The following PIK3C3 variants were observed in gnomAD, a reference collection of about 807,000 sequenced individuals.
PIK3C3 encodes PI3-kinase type 3.
A neutral mutation model predicts 126.1 loss-of-function variants in PIK3C3; 95 were observed. The ratio of observed to expected loss-of-function variants is 0.75; its 90% confidence interval spans 0.64 to 0.89. PIK3C3 has a LOEUF of 0.89. Among genes scored for constraint, PIK3C3 ranks in the 40% least tolerant of loss-of-function variants. The pLI, the probability that PIK3C3 is intolerant of heterozygous loss-of-function variation, is 0.00. For missense variants in PIK3C3, 829 were observed against 1,063.2 expected (o/e 0.78, Z 3.06); for synonymous variants, 374 against 360.0 (o/e 1.04, Z -0.44).
rs1016709016 is a variant in PIK3C3, at chr18:42,081,366, T to G, written c.*229T>G. 1.8e-5 allele frequency: 7 copies of G among 398,152 alleles called. No individual in the cohort carries two copies. The highest frequency in any genetic ancestry group is 3.2e-5 in the Non-Finnish European group (7 of 220,396). 24.7% of individuals were successfully genotyped at this position (398,152 alleles called of 1,614,324 possible). On this transcript the variant is annotated 3_prime_UTR_variant, in exon 25 of 25. Coordinates refer to ENST00000262039, the MANE Select transcript of PIK3C3 (RefSeq NM_002647.4). ...GAAATATTGTATATATTTTTTCAAA[T>G]GTATACATTGTTAATAAATTAAGAA...
chr18:41,984,923 C>T (rs1040221313), intron 4 of PIK3C3: 5 of 152,124 alleles, frequency 3.3e-5, no homozygotes, highest in Non-Finnish European at 7.4e-5. Flanking sequence ...AGCGTGACAG[C>T]TTTGGTTTCT....
Position 41,990,521 on chromosome 18 carries a change from T to A in PIK3C3, c.681T>A (p.Asp227Glu). ...TTGAATTTCGATGTGTCAAGTGTGA[T>A]GATAAGGAATATGGTATTGTTTATT... ...LMVEFRCVKC[D>E]DKEYGIVYYE... Residue 227 changes from aspartate (D) to glutamate (E), a missense_variant, in exon 6 of 25, where the codon GAT (aspartate) becomes GAA (glutamate). Physicochemically the swap from Asp to Glu is conservative, Grantham distance 45. This residue lies in a region of PIK3C3 where 313 missense variants were observed against 340.7 expected (regional missense o/e 0.92). Transcript: ENST00000262039. 6.2e-7 allele frequency: 1 copy of A among 1,600,894 alleles called. No homozygotes were observed. The highest frequency in any genetic ancestry group is 8.6e-7 in the Non-Finnish European group (1 of 1,168,450).
At chr18:42,029,504 T>C in intron 15 of PIK3C3, 63 bp downstream of exon 15, 1 of 892,338 alleles carries the variant, frequency 1.1e-6, no homozygotes, top group Non-Finnish European at 1.9e-6. Context: ...TACTGAATTT[T>C]CACTATTGTC....
intron 14 of PIK3C3, among the ~76,000 whole-genome samples, chr18:42,027,957 G>A (rs1225097785): frequency 6.6e-6 from 1 of 152,034 alleles, no homozygotes; most frequent in African/African-American, 2.4e-5. Context: ...TACCTGGCCT[G>A]GTTTAGCGGT....
At chr18:42,071,954 G>A (rs1985792075) in intron 24 of PIK3C3, among the ~76,000 whole-genome samples, 1 of 152,056 alleles carries the variant, frequency 6.6e-6, no homozygotes, top group Non-Finnish European at 1.5e-5. Context: ...AAGCATACAT[G>A]GGATGCTAAA....
chr18:42,015,613 A>G (rs1356705260), intron 12 of PIK3C3, 47 bp downstream of exon 12: 1 of 1,300,874 alleles, frequency 7.7e-7, no homozygotes, highest in Non-Finnish European at 1.1e-6. Flanking sequence ...ATCCTACTGC[A>G]TGAACATTTT....
Position 42,027,445 on chromosome 18 carries a change from A to AT in PIK3C3, c.1488dup (p.Val497CysfsTer6), listed in dbSNP as rs1349536433. 1 of 1,573,948 alleles carries AT rather than the reference A, an allele frequency of 6.4e-7. No homozygotes were observed. Among genetic ancestry groups the AT allele is most frequent in the Admixed American group, 1.7e-5 (1 of 59,204 alleles). On this transcript the variant is annotated frameshift_variant, in exon 14 of 25. Coordinates refer to ENST00000262039, the MANE Select transcript of PIK3C3 (RefSeq NM_002647.4). LOFTEE classifies it high-confidence loss of function. ...GAATGGCTCAAACTATTTTTAAGGT[A>AT]TGTGATAGTGGAATGTGAAGATCAA...
intron 6 of PIK3C3, among the ~76,000 whole-genome samples, chr18:41,992,344 T>TA (rs2144357134): frequency 6.6e-6 from 1 of 152,308 alleles, no homozygotes; most frequent in South Asian, 2.1e-4. Flanking sequence ...ACAAGCCTGT[T>TA]AAACAACGGC....
intron 19 of PIK3C3, 130 bp downstream of exon 19, chr18:42,040,871 C>A (rs1394393671): frequency 1.6e-6 from 1 of 635,962 alleles, no homozygotes; most frequent in Admixed American, 3.0e-5. Flanking sequence ...TTTTTTCTTC[C>A]TTTATTCAGA....
chr18:42,005,660 C>T (rs1982506246), intron 10 of PIK3C3, among the ~76,000 whole-genome samples: 1 of 152,098 alleles, frequency 6.6e-6, no homozygotes, highest in Non-Finnish European at 1.5e-5. Context: ...ATGTCGATCG[C>T]ATAGAACAAC....
At chr18:42,029,199 T>C (rs1480487800) in intron 14 of PIK3C3, 126 bp from the exon 15 acceptor site, 1 of 625,600 alleles carries the variant, frequency 1.6e-6, no homozygotes, top group African/African-American at 1.8e-5. Context: ...GATAATCTTT[T>C]TCAGTTTTGC....
intron 23 of PIK3C3, 136 bp from the exon 24 acceptor site, chr18:42,067,252 C>A (rs1251674991): frequency 6.7e-6 from 5 of 743,484 alleles, no homozygotes; most frequent in Non-Finnish European, 1.1e-5. Context: ...ATTCAGAATT[C>A]TAATAAGTTA....
intron 22 of PIK3C3, among the ~76,000 whole-genome samples, chr18:42,059,193 G>T (rs1985206377): frequency 6.6e-6 from 1 of 152,158 alleles, no homozygotes; most frequent in East Asian, 1.9e-4. Context: ...CACTGACTAG[G>T]TCTTCATTGT....
At chr18:41,992,626 A>G (rs1451792312) in intron 6 of PIK3C3, among the ~76,000 whole-genome samples, 1 of 152,202 alleles carries the variant, frequency 6.6e-6, no homozygotes, top group Admixed American at 6.6e-5. Context: ...AATAAAAGCC[A>G]ACATTCTTCA....
rs777107098 is a variant in PIK3C3 at position 42,049,530 on chromosome 18, G to C, written c.2189-1G>C. On this transcript the variant is annotated splice_acceptor_variant, in intron 20 of 24. Coordinates refer to ENST00000262039, the MANE Select transcript of PIK3C3 (RefSeq NM_002647.4). LOFTEE classifies it high-confidence loss of function. ...CATATTTTTTTTAACTGTTACTGCA[G>C]CTGGATATTGCGTGATCACCTATAT... is the stretch of plus-strand genomic sequence containing the variant. 1.2e-6 allele frequency: 2 copies of C among 1,611,440 alleles called. No individual in the cohort carries two copies. Among genetic ancestry groups the C allele is most frequent in the East Asian group, 2.2e-5 (1 of 44,840 alleles).
intron 5 of PIK3C3, among the ~76,000 whole-genome samples, chr18:41,989,164 C>T (rs866138807): frequency 1.3e-5 from 2 of 152,100 alleles, no homozygotes; most frequent in South Asian, 4.2e-4. Context: ...CTTAGTGCAG[C>T]CACAAACTTC....
chr18:42,040,533 C>T (rs1171889727), intron 18 of PIK3C3, 144 bp from the exon 19 acceptor site: 1 of 492,434 alleles, frequency 2.0e-6, no homozygotes, highest in East Asian at 3.4e-5. Context: ...CCAGTACAAA[C>T]TTAATGTAGT....
intron 13 of PIK3C3, chr18:42,027,221 A>C: frequency 4.1e-6 from 1 of 245,046 alleles, no homozygotes; most frequent in African/African-American, 2.2e-5. Context: ...GATATTACAC[A>C]AATTAAGGCA....
rs1260718247 is a variant in PIK3C3 at position 42,085,801 on chromosome 18, T to C, written c.*4664T>C. On this transcript the variant is annotated 3_prime_UTR_variant, in exon 25 of 25. Coordinates refer to ENST00000262039, the MANE Select transcript of PIK3C3 (RefSeq NM_002647.4). ...CCATTTCTGCATGAACCATAGAATTTAACTAGAATTTGGCTGGCTCATGCC... is the reference window on the plus strand; with the variant it reads ...CCATTTCTGCATGAACCATAGAATTCAACTAGAATTTGGCTGGCTCATGCC... 6.6e-6 allele frequency: 1 copy of C among 152,158 alleles called. No homozygotes were observed. Among genetic ancestry groups the C allele is most frequent in the Non-Finnish European group, 1.5e-5 (1 of 68,040 alleles). The allele number at this position is 152,158 out of a possible 1,614,324, so 9.4% of individuals were successfully genotyped here.
Sources: gnomAD v4.1 joint callset for allele counts (sites outside exome capture counted in the v4.1 genomes callset) on GRCh38, gnomAD v4.1.1 for gene constraint, gnomAD v4.1.1 regional missense constraint, MANE v1.5 for transcripts, NCBI Gene and HGNC (gene_info 2026-07-23, HGNC 2026-07-21) for gene names.